The following ADGRD1 variants were observed in gnomAD, a reference collection of about 807,000 sequenced individuals.
ADGRD1 encodes the protein G-protein coupled receptor 133.
ADGRD1 carries 77 observed loss-of-function variants against 113.4 expected under a neutral mutation model. The observed-to-expected ratio is 0.68, with a 90% CI of 0.57 to 0.82. The LOEUF (loss-of-function observed/expected upper bound fraction) is 0.82, where lower values mean the gene tolerates loss of function less well. ADGRD1 is among the 40% of genes least tolerant of loss of function. The pLI, the probability that ADGRD1 is intolerant of heterozygous loss-of-function variation, is 0.00. For synonymous variants in ADGRD1, 474 were observed against 475.0 expected (o/e 1.00, Z 0.03); for missense variants, 1,036 against 1,139.1 (o/e 0.91, Z 1.30).
At chr12:131,082,977 C>T (rs969726442) in intron 14 of ADGRD1, among the ~76,000 whole-genome samples, 5 of 152,234 alleles carry the variant, frequency 3.3e-5, no homozygotes, top group East Asian at 1.9e-4. Flanking sequence ...TCGCGCTCCA[C>T]GTCGCCCAGG....
chr12:131,010,751 G>A (rs1483031125), intron 12 of ADGRD1, among the ~76,000 whole-genome samples: 1 of 152,182 alleles, frequency 6.6e-6, no homozygotes, highest in African/African-American at 2.4e-5. Context: ...GCAATCAGGA[G>A]TGGAGAGCTC....
intron 12 of ADGRD1, among the ~76,000 whole-genome samples, chr12:131,006,568 C>CA (rs1177817514): frequency 6.6e-6 from 1 of 152,138 alleles, no homozygotes; most frequent in Non-Finnish European, 1.5e-5. Context: ...TGCTGTCCTC[C>CA]AGACAGGCCC....
intron 14 of ADGRD1, among the ~76,000 whole-genome samples, chr12:131,077,236 G>A (rs1245191963): frequency 6.8e-6 from 1 of 147,100 alleles, no homozygotes; most frequent in Non-Finnish European, 1.5e-5. Flanking sequence ...GAGCAGCTGA[G>A]GAAGGGGGTT....
intron 15 of ADGRD1, among the ~76,000 whole-genome samples, chr12:131,098,960 C>T (rs1187179278): frequency 6.6e-6 from 1 of 152,162 alleles, no homozygotes; most frequent in African/African-American, 2.4e-5. Flanking sequence ...GCCTCAGTGT[C>T]CTCATCTGTA....
chr12:131,033,342 C>T (rs1299571799), intron 13 of ADGRD1, among the ~76,000 whole-genome samples: 3 of 152,198 alleles, frequency 2.0e-5, no homozygotes, highest in Admixed American at 1.3e-4. Flanking sequence ...GGTGCCCTTC[C>T]ATCATGCACC....
At chr12:131,093,558 G>A (rs998270106) in intron 15 of ADGRD1, among the ~76,000 whole-genome samples, 3 of 152,204 alleles carry the variant, frequency 2.0e-5, no homozygotes, top group African/African-American at 7.2e-5. Context: ...CGGTGTTGCT[G>A]GGAGCTGTGA....
chr12:131,110,028 G>A (rs1238069366), intron 18 of ADGRD1, among the ~76,000 whole-genome samples: 4 of 152,320 alleles, frequency 2.6e-5, no homozygotes, highest in African/African-American at 9.6e-5. Context: ...CAGCTTTCTT[G>A]CAGTTGCTGT....
At chr12:131,098,401 A>G (rs1949993445) in intron 15 of ADGRD1, among the ~76,000 whole-genome samples, 1 of 152,058 alleles carries the variant, frequency 6.6e-6, no homozygotes, top group African/African-American at 2.4e-5. Flanking sequence ...CTCAGGCGCT[A>G]TGGAGGGGGT....
chr12:131,139,371 ATGGGTGTTG>A lies in ADGRD1; in HGVS notation c.*112_*120del, dbSNP rs1374059509. 2 of 764,658 alleles carry A rather than the reference ATGGGTGTTG, an allele frequency of 2.6e-6. No homozygotes were observed. The highest frequency in any genetic ancestry group is 3.4e-5 in the African/African-American group (2 of 58,272). 47.4% of individuals were successfully genotyped at this position (764,658 alleles called of 1,614,324 possible). On this transcript the variant is annotated 3_prime_UTR_variant, in exon 25 of 25. Coordinates refer to ENST00000261654, the MANE Select transcript of ADGRD1 (RefSeq NM_198827.5). Reference sequence around the variant, plus strand: ...ACCCTCTCCTTGCTGCTGTCTGGACATGGGTGTTGTGGCCCCGAGACAGCTGTCCTCCCC... The same window carrying A: ...ACCCTCTCCTTGCTGCTGTCTGGACATGGCCCCGAGACAGCTGTCCTCCCC...
intron 2 of ADGRD1, among the ~76,000 whole-genome samples, chr12:130,960,579 A>G (rs1870223710): frequency 6.7e-6 from 1 of 149,658 alleles, no homozygotes; most frequent in Non-Finnish European, 1.5e-5. Context: ...TTTGCATTTT[A>G]TCATTCATTC....
Position 131,000,349 on chromosome 12 carries a change from A to G in ADGRD1, c.967-34A>G, listed in dbSNP as rs752136646. On this transcript the variant is annotated intron_variant, in intron 8 of 24. Transcript: ENST00000261654. ...GTCTTCAAGTTTGTTGCCTAAGGAC[A>G]GGTGCTGAGCAGTGTCATTTTGTCC... 21 of 1,569,134 alleles carry G rather than the reference A, an allele frequency of 1.3e-5. No individual in the cohort carries two copies. In the South Asian group the frequency reaches 2.2e-4, roughly 17 times the overall value.
chr12:130,966,432 G>C lies in ADGRD1; in HGVS notation c.104-31G>C, dbSNP rs1347741845. On this transcript the variant is annotated intron_variant, in intron 2 of 24. Transcript: ENST00000261654. The surrounding 1 kb of genome is among the most constrained non-coding windows in gnomAD (Gnocchi z 4.6). ...CTCTGGTTCTTTCCTCTCTAATGAT[G>C]ATTTAAAATTTTTATTCTTTTTTCC... 2 of 1,431,978 alleles carry C rather than the reference G, an allele frequency of 1.4e-6. No individual in the cohort carries two copies. Among genetic ancestry groups the C allele is most frequent in the Non-Finnish European group, 9.9e-7 (1 of 1,014,390 alleles). The allele number at this position is 1,431,978 out of a possible 1,614,324, so 88.7% of individuals were successfully genotyped here. A position where few individuals can be genotyped will look rare whatever the true frequency, so the allele number is the denominator to read the frequency against.
intron 13 of ADGRD1, among the ~76,000 whole-genome samples, chr12:131,053,636 A>G (rs1280435077): frequency 1.3e-5 from 2 of 152,200 alleles, no homozygotes; most frequent in African/African-American, 2.4e-5. Context: ...GCTAATCAAC[A>G]TGGATAAATC....
chr12:130,955,371 G>A (rs905173232), intron 2 of ADGRD1, among the ~76,000 whole-genome samples: 10 of 152,038 alleles, frequency 6.6e-5, no homozygotes, highest in Non-Finnish European at 1.5e-4. Context: ...TGGAGCAGCC[G>A]ATGAGTGGGA....
At chr12:131,005,784 T>A (rs1417291027) in intron 11 of ADGRD1, among the ~76,000 whole-genome samples, 188 bp from the exon 12 acceptor site, 1 of 151,420 alleles carries the variant, frequency 6.6e-6, no homozygotes, top group Middle Eastern at 3.4e-3. Flanking sequence ...GGATCCACCG[T>A]CACGCTGCTG....
intron 13 of ADGRD1, chr12:131,069,860 C>A (rs1339512867): frequency 6.6e-6 from 1 of 152,170 alleles, no homozygotes; most frequent in Non-Finnish European, 1.5e-5. Flanking sequence ...TTTTGAGTAG[C>A]CTAATGAGTG....
chr12:131,066,380 G>A (rs964377077), intron 13 of ADGRD1, among the ~76,000 whole-genome samples: 3 of 152,150 alleles, frequency 2.0e-5, no homozygotes, highest in Non-Finnish European at 2.9e-5. Context: ...TTTAGGGCTC[G>A]GGTGGCCTGT....
intron 13 of ADGRD1, among the ~76,000 whole-genome samples, chr12:131,059,730 A>C (rs1489071826): frequency 6.6e-6 from 1 of 152,226 alleles, no homozygotes; most frequent in African/African-American, 2.4e-5. Context: ...AATCTGAAAA[A>C]GTCCAAAATT....
chr12:130,986,837 C>G (rs772568600), intron 5 of ADGRD1: 5 of 456,932 alleles, frequency 1.1e-5, no homozygotes, highest in Non-Finnish European at 2.0e-5. Flanking sequence ...GAATTTGTAA[C>G]TACTATGTTA....
Sources: allele counts gnomAD v4.1 joint callset (sites outside exome capture counted in the v4.1 genomes callset), GRCh38; gene constraint gnomAD v4.1.1; non-coding constraint Gnocchi (gnomAD v3.1); transcripts MANE v1.5; gene names NCBI Gene and HGNC (gene_info 2026-07-23, HGNC 2026-07-21).